Variants in LRRC61 observed in about 807,000 individuals in gnomAD.
The protein encoded by LRRC61 is leucine rich repeat containing 61, also known as leucine-rich repeat-containing protein 61.
A neutral mutation model predicts 15.1 loss-of-function variants in LRRC61; 9 were observed. The observed-to-expected ratio is 0.60, with a 90% CI of 0.36 to 1.04. The LOEUF (loss-of-function observed/expected upper bound fraction) is 1.04, where lower values mean the gene tolerates loss of function less well. Ranked by LOEUF, LRRC61 falls within the 50% of genes least tolerant of loss-of-function variation. The pLI is 0.01. For synonymous variants in LRRC61, 173 were observed against 158.6 expected (o/e 1.09, Z -0.68); for missense variants, 344 against 335.6 (o/e 1.03, Z -0.20).
rs113591265 is a variant in LRRC61 at position 150,334,970 on chromosome 7, C to T, written c.-144-1748C>T. Reference sequence around the variant, plus strand: ...CCAGGAGGCGGAGGTTGCGGTGAGCCGAGATCGCGCCATTGTGCCATTGCA... The same window carrying T: ...CCAGGAGGCGGAGGTTGCGGTGAGCTGAGATCGCGCCATTGTGCCATTGCA... On this transcript the variant is annotated intron_variant, in intron 2 of 2. Coordinates refer to ENST00000359623, the MANE Select transcript of LRRC61 (RefSeq NM_001142928.2). 2.8e-3 allele frequency among the ~76,000 whole-genome samples: 420 copies of T among 150,434 alleles called. 3 individuals are homozygous for T. Among genetic ancestry groups the T allele is most frequent in the Middle Eastern group, 0.01 (3 of 288 alleles).
intron 2 of LRRC61, among the ~76,000 whole-genome samples, chr7:150,334,735 G>A (rs907340263): frequency 1.3e-5 from 2 of 152,188 alleles, no homozygotes; most frequent in African/African-American, 2.4e-5. Flanking sequence ...AGGGAGCCCC[G>A]GGCCGGGTGT....
chr7:150,310,489 T>TCCCATCCATCCTGTTG, the LRRC61 span, among the ~76,000 whole-genome samples: 4,226 of 152,134 alleles, frequency 0.028, 217 homozygotes, highest in African/African-American at 0.097. Flanking sequence ...TTCAAGACCT[T>TCCCATCCATCCTGTTG]TGCCTCATAA....
chr7:150,337,352 G>A lies in LRRC61; in HGVS notation c.491G>A (p.Arg164His), dbSNP rs538815439. The A allele has an allele frequency of 1.2e-5, 19 of 1,604,768 alleles. No homozygotes were observed. Among genetic ancestry groups the A allele is most frequent in the African/African-American group, 2.7e-5 (2 of 75,054 alleles). Residue 164 changes from arginine (R) to histidine (H), a missense_variant, in exon 3 of 3, where the codon CGT becomes CAT. By Grantham distance (29) the Arg-to-His change is conservative. Coordinates refer to ENST00000359623, the MANE Select transcript of LRRC61 (RefSeq NM_001142928.2). ...LPGLKVIDGE[R>H]VIGRGSEFYQ... Reference sequence around the variant, plus strand: ...GGCCTGAAAGTCATCGACGGTGAGCGTGTGATTGGGCGTGGTAGTGAGTTC... The same window carrying A: ...GGCCTGAAAGTCATCGACGGTGAGCATGTGATTGGGCGTGGTAGTGAGTTC...
chr7:150,330,674 A>G lies in LRRC61; in HGVS notation c.-145+4664A>G, dbSNP rs3800782. On this transcript the variant is annotated intron_variant, in intron 2 of 2. Coordinates refer to ENST00000359623, the MANE Select transcript of LRRC61 (RefSeq NM_001142928.2). This position sits in a 1 kb window ranked among gnomAD's most constrained non-coding sequence, Gnocchi z 4.6. ...AGGGGAAGATTGAGGCCATCCTGCCATGGGGGCCGACCGACATTGACCACT... is the reference window on the plus strand; with the variant it reads ...AGGGGAAGATTGAGGCCATCCTGCCGTGGGGGCCGACCGACATTGACCACT... 0.02 allele frequency: 26,186 copies of G among 1,324,276 alleles called. 1,208 individuals are homozygous for G. The highest frequency in any genetic ancestry group is 0.15 in the East Asian group (6,382 of 43,552). The allele number at this position is 1,324,276 out of a possible 1,614,324, so 82.0% of individuals were successfully genotyped here. A position where few individuals can be genotyped will look rare whatever the true frequency, so the allele number is the denominator to read the frequency against.
chr7:150,311,292 C>G, the LRRC61 span, among the ~76,000 whole-genome samples: 13 of 152,188 alleles, frequency 8.5e-5, no homozygotes, highest in African/African-American at 3.1e-4. Context: ...CACACAGGAG[C>G]CAGGCCCACA....
the LRRC61 span, among the ~76,000 whole-genome samples, chr7:150,311,108 C>T: frequency 1.3e-5 from 2 of 152,188 alleles, no homozygotes; most frequent in Non-Finnish European, 2.9e-5. Context: ...AACTGCTTTA[C>T]AAGCTCACTA....
intron 2 of LRRC61, 54 bp from the exon 3 acceptor site, chr7:150,336,664 C>T: frequency 6.0e-6 from 4 of 670,942 alleles, no homozygotes; most frequent in African/African-American, 1.8e-5. Context: ...CCTGCCGTCA[C>T]CTGCTGCGTA....
In LRRC61 at chr7:150,335,892, AC is replaced by A. The variant is rs1798271103; in HGVS notation, c.-144-823del. On this transcript the variant is annotated intron_variant, in intron 2 of 2. Transcript: ENST00000359623. This position sits in a 1 kb window ranked among gnomAD's most constrained non-coding sequence, Gnocchi z 4.3. ...GTGCCCCTCCCGGCTTTCTGGAGCC[AC>A]CCTTCCCTCCCTCCAAGACAGCCTG... 6.6e-6 allele frequency among the ~76,000 whole-genome samples: 1 copy of A among 152,108 alleles called. No homozygotes were observed. Among genetic ancestry groups the A allele is most frequent in the Non-Finnish European group, 1.5e-5 (1 of 68,018 alleles).
the LRRC61 span, among the ~76,000 whole-genome samples, chr7:150,312,512 A>T: frequency 5.3e-5 from 8 of 152,234 alleles, no homozygotes; most frequent in Non-Finnish European, 1.2e-4. Flanking sequence ...CTAAAAACTC[A>T]TCGCCACCTA....
At chr7:150,331,291 C>T (rs1798101466) in intron 2 of LRRC61, 5 of 628,780 alleles carry the variant, frequency 8.0e-6, no homozygotes, top group Non-Finnish European at 1.4e-5. Context: ...ACAGACCCTG[C>T]AGTCCGCTCA....
intron 1 of LRRC61, among the ~76,000 whole-genome samples, chr7:150,324,195 C>T (rs1464752): frequency 0.25 from 38,651 of 151,836 alleles, 5,068 homozygotes; most frequent in East Asian, 0.41. Context: ...CTTGAGGGCC[C>T]AGCAGGTGCT....
the LRRC61 span, among the ~76,000 whole-genome samples, chr7:150,318,129 C>T: frequency 5.3e-5 from 8 of 152,192 alleles, no homozygotes; most frequent in African/African-American, 1.9e-4. Flanking sequence ...TAGAGTGAGG[C>T]TAAAGCTATG....
chr7:150,317,825 T>C, the LRRC61 span, among the ~76,000 whole-genome samples: 1 of 151,728 alleles, frequency 6.6e-6, no homozygotes, highest in Non-Finnish European at 1.5e-5. Context: ...GCTGAGGAAA[T>C]GGATTATGAC....
At chr7:150,312,787 C>T in the LRRC61 span, among the ~76,000 whole-genome samples, 1 of 152,160 alleles carries the variant, frequency 6.6e-6, no homozygotes, top group African/African-American at 2.4e-5. Context: ...TTTCTTATAA[C>T]TTTATATTTT....
At chr7:150,327,819 C>CAAA (rs58721598) in intron 2 of LRRC61, among the ~76,000 whole-genome samples, 4,734 of 136,796 alleles carry the variant, frequency 0.035, 199 homozygotes, top group East Asian at 0.12. Flanking sequence ...GACCTTGTCT[C>CAAA]AAAAAAAAAA....
In LRRC61 at chr7:150,335,053, A is replaced by G. The variant is rs917272219; in HGVS notation, c.-144-1665A>G. 3.3e-5 allele frequency among the ~76,000 whole-genome samples: 5 copies of G among 151,840 alleles called. No individual in the cohort carries two copies. Among genetic ancestry groups the G allele is most frequent in the African/African-American group, 4.8e-5 (2 of 41,498 alleles). On this transcript the variant is annotated intron_variant, in intron 2 of 2. Transcript: ENST00000359623. The surrounding 1 kb of genome is among the most constrained non-coding windows in gnomAD (Gnocchi z 4.3). ...CTCAAAAAAAAAAAAAAAAAAGAAA[A>G]AAAGGAGCCCCTGGCATACAGTCAC... is the stretch of plus-strand genomic sequence containing the variant.
At chr7:150,313,675 AGAG>A in the LRRC61 span, among the ~76,000 whole-genome samples, 169 of 152,270 alleles carry the variant, frequency 1.1e-3, 1 homozygote, top group African/African-American at 4.0e-3. Flanking sequence ...GCCCTGGCCA[AGAG>A]GAGGTGTGCA....
At chr7:150,328,628 T>TC (rs1798017054) in intron 2 of LRRC61, 1 of 152,204 alleles carries the variant, frequency 6.6e-6, no homozygotes, top group Non-Finnish European at 1.5e-5. Flanking sequence ...CCCCCTTTTC[T>TC]CCTTAGTTAC....
intron 1 of LRRC61, chr7:150,324,405 T>G (rs1797864517): frequency 6.6e-6 from 1 of 152,262 alleles, no homozygotes; most frequent in Non-Finnish European, 1.5e-5. Context: ...GGCACGCACT[T>G]GGGAAAAGGC....
Sources: gnomAD v4.1 joint callset for allele counts (sites outside exome capture counted in the v4.1 genomes callset) on GRCh38, gnomAD v4.1.1 for gene constraint, Gnocchi (gnomAD v3.1) non-coding constraint, MANE v1.5 for transcripts, NCBI Gene and HGNC (gene_info 2026-07-23, HGNC 2026-07-21) for gene names.